Variants in CENPO observed in about 807,000 individuals in gnomAD.
The protein encoded by CENPO is centromere protein O.
In CENPO, 30 loss-of-function variants were observed where a neutral mutation model predicts 36.1. That is an observed-to-expected ratio of 0.83 (90% CI 0.62 to 1.13). The LOEUF (loss-of-function observed/expected upper bound fraction) is 1.13. CENPO is among the 50% of genes most tolerant of loss of function. The pLI, the probability that CENPO is intolerant of heterozygous loss-of-function variation, is 0.00. For missense variants in CENPO, 349 were observed against 357.8 expected (o/e 0.98, Z 0.20); for synonymous variants, 171 against 142.3 (o/e 1.20, Z -1.44).
intron 2 of CENPO, among the ~76,000 whole-genome samples, chr2:24,799,086 G>A (rs1666046195): frequency 1.4e-5 from 2 of 140,664 alleles, no homozygotes; most frequent in Admixed American, 7.3e-5. Context: ...TGCAACCTCC[G>A]CCTCCTGGAT....
At chr2:24,796,092 A>G (rs1210492896) in intron 2 of CENPO, among the ~76,000 whole-genome samples, 1 of 152,074 alleles carries the variant, frequency 6.6e-6, no homozygotes, top group Non-Finnish European at 1.5e-5. Flanking sequence ...GCGGTGGCTC[A>G]CACCTGTAAT....
At chr2:24,793,723 A>G in intron 1 of CENPO, 129 bp from the exon 2 acceptor site, 1 of 959,368 alleles carries the variant, frequency 1.0e-6, no homozygotes, top group Non-Finnish European at 1.6e-6. Context: ...CGGCTCAGGA[A>G]AGGGGATCCT....
At position 24,822,307 on chromosome 2, in the gene CENPO, A is replaced by T. The variant is rs1455824587; in HGVS notation, c.*2989A>T. 1 of 652,126 alleles carries T rather than the reference A, an allele frequency of 1.5e-6. No individual in the cohort carries two copies. The highest frequency in any genetic ancestry group is 2.5e-6 in the Non-Finnish European group (1 of 396,990). 40.4% of individuals were successfully genotyped at this position (652,126 alleles called of 1,614,324 possible). Reference sequence around the variant, plus strand: ...ATCTTAGGCCTGAGCTGTGAACAGCAGGGGGTTGTGTGTCTGTTCTGTTTC... The same window carrying T: ...ATCTTAGGCCTGAGCTGTGAACAGCTGGGGGTTGTGTGTCTGTTCTGTTTC... On this transcript the variant is annotated 3_prime_UTR_variant, in exon 8 of 8. Transcript: ENST00000380834.
At chr2:24,819,314 AT>A (rs1667169717) in intron 7 of CENPO, 39 bp from the exon 8 acceptor site, 1 of 152,584 alleles carries the variant, frequency 6.6e-6, no homozygotes. Flanking sequence ...AAGATTAAAA[AT>A]ATAAATGTAG....
intron 6 of CENPO, 92 bp downstream of exon 6, chr2:24,816,909 TG>T: frequency 8.2e-7 from 1 of 1,217,802 alleles, no homozygotes; most frequent in South Asian, 1.5e-5. Flanking sequence ...GTAGACCTCT[TG>T]AGACACTTTC....
rs1572772521 is a variant in CENPO, at chr2:24,821,985, G to T, written c.*2667G>T. 1.1e-5 allele frequency: 3 copies of T among 265,812 alleles called. 1 individual carries two copies. In the East Asian group the frequency reaches 2.7e-4, roughly 24 times the overall value. 16.5% of individuals were successfully genotyped at this position (265,812 alleles called of 1,614,324 possible). On this transcript the variant is annotated 3_prime_UTR_variant, in exon 8 of 8. Coordinates refer to ENST00000380834, the MANE Select transcript of CENPO (RefSeq NM_001322101.2). ...CCTCAACTAGGTGATAAGCACTGGA[G>T]GGGGATGACCCGCCTTGGACGTGTT...
chr2:24,814,486 T>C lies in CENPO; in HGVS notation c.327T>C (p.His109=). ...ENVKAILQAY[H]FTGLSGKLTS... is the part of the protein sequence containing the mutation. ...TGAAAGCCATTCTGCAGGCATATCA[T>C]TTTACAGGTTTTGTTTGTTTTTTTA... Residue 109 remains histidine, a synonymous_variant, in exon 4 of 8, where the codon CAT becomes CAC. Transcript: ENST00000380834. 4 of 1,485,672 alleles carry C rather than the reference T, an allele frequency of 2.7e-6. No individual in the cohort carries two copies. Among genetic ancestry groups the C allele is most frequent in the Non-Finnish European group, 3.8e-6 (4 of 1,062,874 alleles). The allele number at this position is 1,485,672 out of a possible 1,614,324, so 92.0% of individuals were successfully genotyped here.
Position 24,820,403 on chromosome 2 carries a change from G to A in CENPO, c.*1085G>A. 5 of 1,314,902 alleles carry A rather than the reference G, an allele frequency of 3.8e-6. No individual in the cohort carries two copies. The African/African-American group carries it at 6.0e-5, about 16-fold the overall frequency. 81.5% of individuals were successfully genotyped at this position (1,314,902 alleles called of 1,614,324 possible). On this transcript the variant is annotated 3_prime_UTR_variant, in exon 8 of 8. Coordinates refer to ENST00000380834, the MANE Select transcript of CENPO (RefSeq NM_001322101.2). ...TGTTACCTGGAAACTGCCACTGCCT[G>A]CTCTTCTGTCCCTTTGCCCCTTTCG... is the stretch of plus-strand genomic sequence containing the variant.
At chr2:24,816,447 T>C in intron 5 of CENPO, 199 bp from the exon 6 acceptor site, 1 of 557,836 alleles carries the variant, frequency 1.8e-6, no homozygotes, top group Non-Finnish European at 3.1e-6. Flanking sequence ...TATAGGCCTT[T>C]CCAGGCTGCC....
In CENPO at chr2:24,793,463, T is replaced by G; in HGVS notation, c.-107T>G. 1 of 1,605,058 alleles carries G rather than the reference T, an allele frequency of 6.2e-7. No individual in the cohort carries two copies. Among genetic ancestry groups the G allele is most frequent in the Non-Finnish European group, 8.5e-7 (1 of 1,175,536 alleles). On this transcript the variant is annotated 5_prime_UTR_variant, in exon 1 of 8. Coordinates refer to ENST00000380834, the MANE Select transcript of CENPO (RefSeq NM_001322101.2). Reference sequence around the variant, plus strand: ...ACGCCGGGACCGGTTGGTTTGGTTTTGAAGACGTGGATGGCGGGAATTCTC... The same window carrying G: ...ACGCCGGGACCGGTTGGTTTGGTTTGGAAGACGTGGATGGCGGGAATTCTC...
chr2:24,796,979 A>C (rs1465578419), intron 2 of CENPO, among the ~76,000 whole-genome samples: 1 of 152,212 alleles, frequency 6.6e-6, no homozygotes, highest in Non-Finnish European at 1.5e-5. Context: ...TCCAGAGGCC[A>C]GTAGGCCTCG....
At chr2:24,798,924 A>C (rs1247651898) in intron 2 of CENPO, among the ~76,000 whole-genome samples, 1 of 151,530 alleles carries the variant, frequency 6.6e-6, no homozygotes, top group Non-Finnish European at 1.5e-5. Flanking sequence ...ACCCTACAAA[A>C]TAGATGCTGG....
chr2:24,816,558 T>C (rs548208922), intron 5 of CENPO, 88 bp from the exon 6 acceptor site: 313 of 908,906 alleles, frequency 3.4e-4, no homozygotes, highest in Non-Finnish European at 4.9e-4. Context: ...ATGGGCCTCT[T>C]TTTGGTTGAC....
rs1203665101 is a variant in CENPO, at chr2:24,793,479, G to A, written c.-91G>A. ...GTTTGGTTTTGAAGACGTGGATGGCGGGAATTCTCGCTTCTGGCCTGGGTG... is the reference window on the plus strand; with the variant it reads ...GTTTGGTTTTGAAGACGTGGATGGCAGGAATTCTCGCTTCTGGCCTGGGTG... On this transcript the variant is annotated 5_prime_UTR_variant, in exon 1 of 8. Coordinates refer to ENST00000380834, the MANE Select transcript of CENPO (RefSeq NM_001322101.2). 2.5e-6 allele frequency: 4 copies of A among 1,602,750 alleles called. No homozygotes were observed. Among genetic ancestry groups the A allele is most frequent in the Non-Finnish European group, 3.4e-6 (4 of 1,174,334 alleles).
At chr2:24,813,426 G>A (rs1276351163) in intron 3 of CENPO, among the ~76,000 whole-genome samples, 1 of 152,106 alleles carries the variant, frequency 6.6e-6, no homozygotes, top group African/African-American at 2.4e-5. Context: ...ACCTTCAGTT[G>A]AAAGTTTGGG....
intron 5 of CENPO, 61 bp downstream of exon 5, chr2:24,815,817 T>TG (rs1666916356): frequency 6.6e-7 from 1 of 1,512,308 alleles, no homozygotes. Flanking sequence ...AAAAGGGGGA[T>TG]GTTTTTTGTA....
intron 3 of CENPO, among the ~76,000 whole-genome samples, chr2:24,812,124 G>A (rs949317212): frequency 1.3e-5 from 2 of 152,002 alleles, no homozygotes; most frequent in Non-Finnish European, 2.9e-5. Context: ...CTCCATATTT[G>A]TTTGACTGAA....
At chr2:24,818,713 G>A (rs1011897226) in intron 7 of CENPO, among the ~76,000 whole-genome samples, 1 of 152,226 alleles carries the variant, frequency 6.6e-6, no homozygotes, top group East Asian at 1.9e-4. Flanking sequence ...TCCCTCTCCT[G>A]CAGGCTCTCC....
intron 3 of CENPO, among the ~76,000 whole-genome samples, chr2:24,810,797 C>T (rs1229113211): frequency 5.3e-5 from 8 of 151,710 alleles, no homozygotes; most frequent in Admixed American, 1.3e-4. Context: ...TGTGAACCAC[C>T]GCACCCGGCC....
Sources: gnomAD v4.1 joint callset for allele counts (sites outside exome capture counted in the v4.1 genomes callset) on GRCh38, gnomAD v4.1.1 for gene constraint, MANE v1.5 for transcripts, NCBI Gene and HGNC (gene_info 2026-07-23, HGNC 2026-07-21) for gene names.